CYP21A2: variants seen among roughly 807,000 people sequenced by gnomAD.
The protein encoded by CYP21A2 is steroid 21-hydroxylase.
In CYP21A2, 24 loss-of-function variants were observed where a neutral mutation model predicts 47.4. That is an observed-to-expected ratio of 0.51 (90% CI 0.37 to 0.71). The LOEUF (loss-of-function observed/expected upper bound fraction) is 0.71. Among genes scored for constraint, CYP21A2 ranks in the 30% least tolerant of loss-of-function variants. CYP21A2 has a pLI of 0.00. For missense variants in CYP21A2, 358 were observed against 643.2 expected, an observed-to-expected ratio of 0.56 and a Z score of 4.80; for synonymous variants, 130 against 273.9, an observed-to-expected ratio of 0.47 and a Z score of 5.19.
Position 32,039,170 on chromosome 6 carries a change from C to T in CYP21A2, c.369C>T (p.Leu123=). ...YSLLWKAHKK[L]TRSALLLGIR... ...TGCTCTGGAAAGCCCACAAGAAGCT[C>T]ACCCGCTCAGCCCTGCTGCTGGGCA... The change falls in exon 3 of 10, where the codon CTC becomes CTT. Residue 123 remains leucine (L), a synonymous_variant. Coordinates refer to ENST00000644719, the MANE Select transcript of CYP21A2 (RefSeq NM_000500.9). 5 of 1,608,100 alleles carry T rather than the reference C, an allele frequency of 3.1e-6. No homozygotes were observed. Among genetic ancestry groups the T allele is most frequent in the Non-Finnish European group, 4.2e-6 (5 of 1,177,346 alleles).
intron 2 of CYP21A2, 51 bp from the exon 3 acceptor site, chr6:32,039,043 C>G: frequency 6.4e-7 from 1 of 1,568,908 alleles, no homozygotes; most frequent in Non-Finnish European, 8.6e-7. Context: ...AGGTCAGGCC[C>G]TCAGCTGCCT....
chr6:32,039,836 G>T lies in CYP21A2; in HGVS notation c.738+1G>T. ...GGAGATGCAGCTGAGGCAGCACAAG[G>T]TGGGGACTGTACGTGGACGGCCTCC... On this transcript the variant is annotated splice_donor_variant, in intron 6 of 9. Transcript: ENST00000644719. LOFTEE classifies it high-confidence loss of function. The T allele has an allele frequency of 2.5e-6, 4 of 1,613,568 alleles. No individual in the cohort carries two copies. Among genetic ancestry groups the T allele is most frequent in the Non-Finnish European group, 3.4e-6 (4 of 1,179,762 alleles).
In CYP21A2 at chr6:32,039,476, G is replaced by A. The variant is rs761647617; in HGVS notation, c.549+19G>A. ...GATCAAGGTGCCTCACAGCCCCTCA[G>A]GCCCACCCCCAGCCCCTCCCTGAGC... is the stretch of plus-strand genomic sequence containing the variant. On this transcript the variant is annotated intron_variant, in intron 4 of 9. Transcript: ENST00000644719. 4 of 1,588,004 alleles carry A rather than the reference G, an allele frequency of 2.5e-6. No homozygotes were observed. The highest frequency in any genetic ancestry group is 2.6e-6 in the Non-Finnish European group (3 of 1,166,818).
At position 32,039,243 on chromosome 6, in the gene CYP21A2, T is replaced by A. The variant is rs1456411970; in HGVS notation, c.442T>A (p.Cys148Ser). The change falls in exon 3 of 10, where the codon TGT becomes AGT. Residue 148 changes from cysteine to serine, a missense_variant. Physicochemically the swap from Cys to Ser is moderately radical, Grantham distance 112. Coordinates refer to ENST00000644719, the MANE Select transcript of CYP21A2 (RefSeq NM_000500.9). ...GGTGGAGCAGCTGACCCAGGAGTTC[T>A]GTGAGGTAAGGCTGGGCTCCTGAGG... Reference protein sequence around the residue: ...PVVEQLTQEFCERMRAQPGTP... With the variant: ...PVVEQLTQEFSERMRAQPGTP... 1.9e-6 allele frequency: 3 copies of A among 1,583,086 alleles called. No individual in the cohort carries two copies. The highest frequency in any genetic ancestry group is 2.6e-6 in the Non-Finnish European group (3 of 1,164,576).
chr6:32,040,284 A>G (rs1258351566), intron 7 of CYP21A2, 79 bp downstream of exon 7: 8 of 1,612,252 alleles, frequency 5.0e-6, no homozygotes, highest in Non-Finnish European at 6.8e-6. Context: ...AGCTCTGAGC[A>G]CTGTGCGGCT....
rs780875791 is a variant in CYP21A2 at position 32,039,306 on chromosome 6, G to A, written c.448-50G>A. 2.0e-5 allele frequency: 32 copies of A among 1,579,646 alleles called. No homozygotes were observed. The highest frequency in any genetic ancestry group is 3.3e-4 in the Middle Eastern group (2 of 5,994). ...AGCCTCGCCTCTCACAGTAGCCCCC[G>A]CCCTGCCCGCTGCACAGCGGCCTGC... On this transcript the variant is annotated intron_variant, in intron 3 of 9. Transcript: ENST00000644719.
intron 2 of CYP21A2, 39 bp from the exon 3 acceptor site, chr6:32,039,055 C>T (rs202093120): frequency 6.4e-7 from 1 of 1,556,136 alleles, no homozygotes; most frequent in Non-Finnish European, 8.7e-7. Context: ...CAGCTGCCTT[C>T]ATCAGTTCCC....
intron 2 of CYP21A2, 74 bp downstream of exon 2, chr6:32,038,885 G>A: frequency 1.5e-6 from 2 of 1,366,606 alleles, no homozygotes; most frequent in South Asian, 2.5e-5. Flanking sequence ...ATGCTGCCCA[G>A]GCTGGTCTTA....
chr6:32,040,269 C>G, intron 7 of CYP21A2, 64 bp downstream of exon 7: 1 of 1,612,570 alleles, frequency 6.2e-7, no homozygotes, highest in East Asian at 2.2e-5. Flanking sequence ...TGGGCACCCT[C>G]ACTCAGCTCT....
Position 32,038,566 on chromosome 6 carries a change from T to C in CYP21A2, c.144T>C (p.Tyr48=), listed in dbSNP as rs1246769522. The change falls in exon 1 of 10, where the codon TAT becomes TAC. Residue 48 remains tyrosine, a synonymous_variant. Transcript: ENST00000644719. ...LHLLQPDLPI[Y]LLGLTQKFGP... is the part of the protein sequence containing the mutation. ...TGCTGCAGCCCGACCTCCCCATCTA[T>C]CTGCTTGGCCTGACTCAGAAATTCG... 6.3e-7 allele frequency: 1 copy of C among 1,599,388 alleles called. No homozygotes were observed. Among genetic ancestry groups the C allele is most frequent in the South Asian group, 1.1e-5 (1 of 89,298 alleles).
In CYP21A2 at chr6:32,039,849, G is replaced by T. The variant is rs748863635; in HGVS notation, c.738+14G>T. On this transcript the variant is annotated intron_variant, in intron 6 of 9. Transcript: ENST00000644719. ...AGGCAGCACAAGGTGGGGACTGTAC[G>T]TGGACGGCCTCCCCTCGGCCCACAG... 5 of 1,612,222 alleles carry T rather than the reference G, an allele frequency of 3.1e-6. No homozygotes were observed. The highest frequency in any genetic ancestry group is 4.2e-6 in the Non-Finnish European group (5 of 1,179,282).
At position 32,038,753 on chromosome 6, in the gene CYP21A2, T is replaced by C. The variant is rs1776014063; in HGVS notation, c.234T>C (p.Ile78=). 1 of 1,413,518 alleles carries C rather than the reference T, an allele frequency of 7.1e-7. No individual in the cohort carries two copies. The allele number at this position is 1,413,518 out of a possible 1,614,324, so 87.6% of individuals were successfully genotyped here. A position where few individuals can be genotyped will look rare whatever the true frequency, so the allele number is the denominator to read the frequency against. ...DVVVLNSKRT[I]EEAMVKKWAD... ...TGGTGCTGAACTCCAAGAGGACCATTGAGGAAGCCATGGTCAAAAAGTGGG... is the reference window on the plus strand; with the variant it reads ...TGGTGCTGAACTCCAAGAGGACCATCGAGGAAGCCATGGTCAAAAAGTGGG... Residue 78 remains isoleucine (I), a synonymous_variant, in exon 2 of 10, where the codon ATT becomes ATC. Transcript: ENST00000644719.
At chr6:32,039,939 C>T in intron 6 of CYP21A2, 66 bp from the exon 7 acceptor site, 2 of 1,609,822 alleles carry the variant, frequency 1.2e-6, no homozygotes, top group Non-Finnish European at 1.7e-6. Context: ...CAGTTATGGG[C>T]CTGTTGCCAC....
At position 32,040,917 on chromosome 6, in the gene CYP21A2, G is replaced by C; in HGVS notation, c.1271G>C (p.Cys424Ser). The change falls in exon 10 of 10, where the codon TGC becomes TCC. Residue 424 changes from cysteine (C) to serine (S), a missense_variant. Coordinates refer to ENST00000644719, the MANE Select transcript of CYP21A2 (RefSeq NM_000500.9). ...GKNSRALAFG[C>S]GARVCLGEPL... ...AACTCCAGAGCTCTGGCCTTCGGCT[G>C]CGGTGCCCGCGTGTGCCTGGGCGAG... is the stretch of plus-strand genomic sequence containing the variant. 1 of 1,239,976 alleles carries C rather than the reference G, an allele frequency of 8.1e-7. No individual in the cohort carries two copies. The highest frequency in any genetic ancestry group is 1.2e-6 in the Non-Finnish European group (1 of 865,138). 76.8% of individuals were successfully genotyped at this position (1,239,976 alleles called of 1,614,324 possible).
Position 32,039,911 on chromosome 6 carries a change from G to A in CYP21A2, c.738+76G>A, listed in dbSNP as rs543076044. Reference sequence around the variant, plus strand: ...ACCGGCCTCAGCATTGCTATGAGGCGGGTTCTTTTGCATACCCCAGTTATG... The same window carrying A: ...ACCGGCCTCAGCATTGCTATGAGGCAGGTTCTTTTGCATACCCCAGTTATG... On this transcript the variant is annotated intron_variant, in intron 6 of 9. Coordinates refer to ENST00000644719, the MANE Select transcript of CYP21A2 (RefSeq NM_000500.9). 44 of 1,604,784 alleles carry A rather than the reference G, an allele frequency of 2.7e-5. 1 individual carries two copies. The Middle Eastern group carries it at 2.6e-3, about 93-fold the overall frequency.
chr6:32,040,286 T>G (rs1290661875), intron 7 of CYP21A2, 81 bp downstream of exon 7: 1 of 1,612,220 alleles, frequency 6.2e-7, no homozygotes, highest in Non-Finnish European at 8.5e-7. Context: ...CTCTGAGCAC[T>G]GTGCGGCTGG....
In CYP21A2 at chr6:32,038,576, C is replaced by G. The variant is rs2151870445; in HGVS notation, c.154C>G (p.Leu52Val). The part of the protein sequence containing the change: ...QPDLPIYLLG[L>V]TQKFGPIYRL... The stretch of plus-strand genomic sequence containing the variant: ...CGACCTCCCCATCTATCTGCTTGGC[C>G]TGACTCAGAAATTCGGGCCCATCTA... The change falls in exon 1 of 10, where the codon CTG (leucine) becomes GTG (valine). Residue 52 changes from leucine (L) to valine (V), a missense_variant. Transcript: ENST00000644719. 6.3e-7 allele frequency: 1 copy of G among 1,594,430 alleles called. No individual in the cohort carries two copies. The highest frequency in any genetic ancestry group is 1.7e-4 in the Middle Eastern group (1 of 6,018).
intron 3 of CYP21A2, 29 bp downstream of exon 3, chr6:32,039,277 G>C (rs1319427448): frequency 6.4e-7 from 1 of 1,571,030 alleles, no homozygotes; most frequent in African/African-American, 1.4e-5. Context: ...GGCCACCTCG[G>C]GTCAGCCTCG....
At position 32,039,173 on chromosome 6, in the gene CYP21A2, C is replaced by G; in HGVS notation, c.372C>G (p.Thr124=). 1.2e-6 allele frequency: 2 copies of G among 1,607,056 alleles called. No homozygotes were observed. Among genetic ancestry groups the G allele is most frequent in the Non-Finnish European group, 1.7e-6 (2 of 1,176,842 alleles). Residue 124 remains threonine, a synonymous_variant, in exon 3 of 10, where the codon ACC becomes ACG. Transcript: ENST00000644719. ...TCTGGAAAGCCCACAAGAAGCTCAC[C>G]CGCTCAGCCCTGCTGCTGGGCATCC... ...SLLWKAHKKL[T]RSALLLGIRD... is the part of the protein sequence containing the mutation.
Sources: allele counts gnomAD v4.1 joint callset, GRCh38; gene constraint gnomAD v4.1.1; transcripts MANE v1.5; gene names NCBI Gene and HGNC (gene_info 2026-07-23, HGNC 2026-07-21).